Variants in CCNL1 observed in about 807,000 individuals in gnomAD.
CCNL1 encodes cyclin L1.
CCNL1 carries 13 observed loss-of-function variants against 60.6 expected under a neutral mutation model. The observed-to-expected ratio is 0.21, with a 90% CI of 0.14 to 0.34. The LOEUF (loss-of-function observed/expected upper bound fraction) is 0.34, where lower values mean the gene tolerates loss of function less well. Ranked by LOEUF, CCNL1 falls within the 10% of genes least tolerant of loss-of-function variation. CCNL1 has a pLI of 1.00. For missense variants in CCNL1, 481 were observed against 664.3 expected (o/e 0.72, Z 3.03); for synonymous variants, 270 against 244.3 (o/e 1.10, Z -0.98).
At chr3:157,145,702 T>C (rs1158869699), downstream of CCNL1, among the ~76,000 whole-genome samples, 1 of 152,138 alleles carries the variant, frequency 6.6e-6, no homozygotes, top group South Asian at 2.1e-4. Context: ...ACAGTCTGGG[T>C]GTCCAGGCTT....
chr3:157,153,019 T>G lies in CCNL1; in HGVS notation c.609+17A>C. 5 of 1,611,946 alleles carry G rather than the reference T, an allele frequency of 3.1e-6. No individual in the cohort carries two copies. The highest frequency in any genetic ancestry group is 4.2e-6 in the Non-Finnish European group (5 of 1,179,148). On this transcript the variant is annotated intron_variant, in intron 4 of 10. Transcript: ENST00000295926. ...TCCTAATACTTACGAACCCAATTTCTGTACTCTACAACTCACCTTATGAGG... is the reference window on the plus strand; with the variant it reads ...TCCTAATACTTACGAACCCAATTTCGGTACTCTACAACTCACCTTATGAGG...
At chr3:157,150,446 A>G in intron 5 of CCNL1, 65 bp from the exon 6 acceptor site, 2 of 1,556,734 alleles carry the variant, frequency 1.3e-6, no homozygotes, top group Non-Finnish European at 1.7e-6. Context: ...CTTACATAAA[A>G]TTGGAGACTC....
downstream of CCNL1, among the ~76,000 whole-genome samples, chr3:157,145,277 A>C (rs1448275171): frequency 1.3e-5 from 2 of 151,838 alleles, no homozygotes; most frequent in Non-Finnish European, 2.9e-5. Context: ...TCTACTAAAA[A>C]CACAAAAAAA....
intron 2 of CCNL1, 168 bp downstream of exon 2, chr3:157,159,237 C>T: frequency 1.5e-6 from 1 of 673,788 alleles, no homozygotes; most frequent in East Asian, 2.7e-5. Context: ...GGCTCGTGAT[C>T]GATTTTGAAC....
intron 8 of CCNL1, 52 bp downstream of exon 8, chr3:157,149,784 A>G (rs1738030204): frequency 6.3e-7 from 1 of 1,585,254 alleles, no homozygotes; most frequent in African/African-American, 1.4e-5. Flanking sequence ...GCTCTCTAAT[A>G]AAGACACACT....
chr3:157,158,733 A>T, intron 3 of CCNL1, 133 bp downstream of exon 3: 1 of 584,508 alleles, frequency 1.7e-6, no homozygotes, highest in Non-Finnish European at 3.0e-6. Flanking sequence ...TCCTATATGA[A>T]CTTTAACACC....
At position 157,147,604 on chromosome 3, in the gene CCNL1, C is replaced by T; in HGVS notation, c.*637G>A. On this transcript the variant is annotated 3_prime_UTR_variant, in exon 11 of 11. Coordinates refer to ENST00000295926, the MANE Select transcript of CCNL1 (RefSeq NM_020307.4). ...CATTTAATGTCACATTGTTGGGCGACTCCCATTTACTTTTTCCATATATAC... is the reference window on the plus strand; with the variant it reads ...CATTTAATGTCACATTGTTGGGCGATTCCCATTTACTTTTTCCATATATAC... The T allele has an allele frequency of 1.0e-6, 1 of 985,336 alleles. No individual in the cohort carries two copies. Among genetic ancestry groups the T allele is most frequent in the Non-Finnish European group, 1.2e-6 (1 of 829,876 alleles). 61.0% of individuals were successfully genotyped at this position (985,336 alleles called of 1,614,324 possible). A position where few individuals can be genotyped will look rare whatever the true frequency, so the allele number is the denominator to read the frequency against.
chr3:157,148,783 C>T (rs1313304473), intron 10 of CCNL1, among the ~76,000 whole-genome samples, 194 bp from the exon 11 acceptor site: 2 of 152,008 alleles, frequency 1.3e-5, no homozygotes, highest in Non-Finnish European at 2.9e-5. Context: ...AGCAAATGTT[C>T]TTATGTCTTT....
rs1205567704 is a variant in CCNL1 at position 157,159,858 on chromosome 3, C to T, written c.237G>A (p.Glu79=). The change falls in exon 1 of 11, where the codon GAG becomes GAA. Residue 79 remains glutamate, a synonymous_variant. Transcript: ENST00000295926. Reference sequence around the variant, plus strand: ...CGCAGCCCAGGATGCGTAAGTCCGTCTCACTGGGCAGGTCGAGCCCATCCT... The same window carrying T: ...CGCAGCCCAGGATGCGTAAGTCCGTTTCACTGGGCAGGTCGAGCCCATCCT... ...SMQDGLDLPS[E]TDLRILGCEL... 6.3e-7 allele frequency: 1 copy of T among 1,578,732 alleles called. No homozygotes were observed. The highest frequency in any genetic ancestry group is 8.6e-7 in the Non-Finnish European group (1 of 1,161,568).
intron 3 of CCNL1, 49 bp from the exon 4 acceptor site, chr3:157,153,205 A>C (rs567291455): frequency 6.4e-7 from 1 of 1,574,134 alleles, no homozygotes; most frequent in Non-Finnish European, 8.6e-7. Flanking sequence ...CATCCAAAAA[A>C]TTTTATTTGT....
downstream of CCNL1, among the ~76,000 whole-genome samples, chr3:157,145,490 C>A: frequency 8.0e-6 from 1 of 124,458 alleles, no homozygotes. Flanking sequence ...ATTTGTGGGT[C>A]ATTTAAAGAA....
At position 157,159,991 on chromosome 3, in the gene CCNL1, G is replaced by T; in HGVS notation, c.104C>A (p.Thr35Asn). The T allele has an allele frequency of 6.3e-7, 1 of 1,580,320 alleles. No homozygotes were observed. Among genetic ancestry groups the T allele is most frequent in the African/African-American group, 1.3e-5 (1 of 74,300 alleles). Reference sequence around the variant, plus strand: ...GCCGATCAGGATCCCTCCCGTCGTGGTCGTCGTCGTGGTCGTCGTCCCGGA... The same window carrying T: ...GCCGATCAGGATCCCTCCCGTCGTGTTCGTCGTCGTGGTCGTCGTCCCGGA... ...SSSGTTTTTT[T>N]TTGGILIGDR... The change falls in exon 1 of 11, where the codon ACC (threonine) becomes AAC (asparagine). Residue 35 changes from threonine to asparagine, a missense_variant. Physicochemically the swap from Thr to Asn is moderately conservative, Grantham distance 65 (BLOSUM62 0). Around this residue, in one of 5 missense-constraint regions of CCNL1, gnomAD observed 65 missense variants for 57.5 expected, o/e 1.13. Coordinates refer to ENST00000295926, the MANE Select transcript of CCNL1 (RefSeq NM_020307.4).
At chr3:157,158,194 TACA>T (rs1738773742) in intron 3 of CCNL1, among the ~76,000 whole-genome samples, 2 of 152,336 alleles carry the variant, frequency 1.3e-5, no homozygotes, top group Non-Finnish European at 2.9e-5. Context: ...TGTATTTTCT[TACA>T]ACATCAAATA....
chr3:157,159,607 T>C, intron 1 of CCNL1, 128 bp from the exon 2 acceptor site: 1 of 1,024,984 alleles, frequency 9.8e-7, no homozygotes, highest in Non-Finnish European at 1.4e-6. Flanking sequence ...AACAGCCCGC[T>C]GCCAAGTCCT....
intron 3 of CCNL1, among the ~76,000 whole-genome samples, chr3:157,154,919 T>C (rs1577075659): frequency 6.7e-6 from 1 of 149,944 alleles, no homozygotes; most frequent in African/African-American, 2.5e-5. Flanking sequence ...ACAACCTATC[T>C]CTCTCTCCAT....
chr3:157,150,274 A>T lies in CCNL1; in HGVS notation c.774+8T>A, dbSNP rs891133169. 8.1e-6 allele frequency: 13 copies of T among 1,613,432 alleles called. No homozygotes were observed. The highest frequency in any genetic ancestry group is 1.6e-4 in the Middle Eastern group (1 of 6,082). The stretch of plus-strand genomic sequence containing the variant: ...TCCTACAGAACAAAATGGGAAATAT[A>T]CACCTACCTGAAGTGCTCTAGCTGC... On this transcript the variant is annotated splice_region_variant and intron_variant, in intron 6 of 10. Transcript: ENST00000295926.
chr3:157,158,368 A>C (rs1422500693), intron 3 of CCNL1, among the ~76,000 whole-genome samples: 2 of 152,214 alleles, frequency 1.3e-5, no homozygotes, highest in Non-Finnish European at 2.9e-5. Flanking sequence ...GTATTATTCG[A>C]TTTATCGTAG....
chr3:157,155,358 G>A (rs986346459), intron 3 of CCNL1, among the ~76,000 whole-genome samples: 2 of 152,062 alleles, frequency 1.3e-5, no homozygotes, highest in Non-Finnish European at 2.9e-5. Flanking sequence ...AGCTAAATAT[G>A]TTTGAATTAT....
chr3:157,147,965 G>A lies in CCNL1; in HGVS notation c.*276C>T, dbSNP rs1026686193. 27 of 1,136,002 alleles carry A rather than the reference G, an allele frequency of 2.4e-5. No individual in the cohort carries two copies. The highest frequency in any genetic ancestry group is 1.8e-4 in the Admixed American group (4 of 21,916). The allele number at this position is 1,136,002 out of a possible 1,614,324, so 70.4% of individuals were successfully genotyped here. A position where few individuals can be genotyped will look rare whatever the true frequency, so the allele number is the denominator to read the frequency against. On this transcript the variant is annotated 3_prime_UTR_variant, in exon 11 of 11. Coordinates refer to ENST00000295926, the MANE Select transcript of CCNL1 (RefSeq NM_020307.4). ...TAAGATACATTTTTACAGAATTCAC[G>A]CTCCAGTTCTTATAGCAATAAACAA...
Sources: gnomAD v4.1 joint callset for allele counts (sites outside exome capture counted in the v4.1 genomes callset) on GRCh38, gnomAD v4.1.1 for gene constraint, gnomAD v4.1.1 regional missense constraint, MANE v1.5 for transcripts, NCBI Gene and HGNC (gene_info 2026-07-23, HGNC 2026-07-21) for gene names.